The following GYS1 variants were observed in gnomAD, a reference collection of about 807,000 sequenced individuals.
GYS1 encodes glycogen synthase 1.
GYS1 carries 60 observed loss-of-function variants against 89.1 expected under a neutral mutation model. That is an observed-to-expected ratio of 0.67 (90% CI 0.55 to 0.84). GYS1 has a LOEUF of 0.84. GYS1 is among the 40% of genes least tolerant of loss of function. GYS1 has a pLI of 0.00. For synonymous variants in GYS1, 366 were observed against 401.7 expected (o/e 0.91, Z 1.06); for missense variants, 888 against 1,003.1 (o/e 0.89, Z 1.55).
chr19:48,975,226 C>T (rs1303989849), intron 10 of GYS1, among the ~76,000 whole-genome samples: 2 of 150,296 alleles, frequency 1.3e-5, no homozygotes, highest in African/African-American at 4.9e-5. Flanking sequence ...CCATTGCGCT[C>T]AGCCTAATTT....
At chr19:48,970,812 GC>G in intron 13 of GYS1, 103 bp from the exon 14 acceptor site, 12 of 1,409,258 alleles carry the variant, frequency 8.5e-6, no homozygotes, top group South Asian at 1.2e-5. Flanking sequence ...CGGCCCGAGA[GC>G]CCCCCCATTT....
intron 8 of GYS1, among the ~76,000 whole-genome samples, chr19:48,978,504 C>A (rs1297005854): frequency 6.7e-6 from 1 of 149,874 alleles, no homozygotes; most frequent in Non-Finnish European, 1.5e-5. Context: ...GGATTAGAGG[C>A]TTGAGCCACT....
intron 10 of GYS1, among the ~76,000 whole-genome samples, chr19:48,975,936 GA>G (rs1276971409): frequency 8.5e-6 from 1 of 118,256 alleles, no homozygotes; most frequent in African/African-American, 3.3e-5. Context: ...AAAAAAAAAA[GA>G]AGAAAAAAGA....
In GYS1 at chr19:48,970,683, G is replaced by A. The variant is rs370992600; in HGVS notation, c.1672C>T (p.Arg558Cys). The A allele has an allele frequency of 1.2e-6, 2 of 1,613,812 alleles. No homozygotes were observed. Among genetic ancestry groups the A allele is most frequent in the African/African-American group, 1.3e-5 (1 of 74,894 alleles). Residue 558 changes from arginine (R) to cysteine (C), a missense_variant, in exon 14 of 16, where the codon CGC becomes TGC. By Grantham distance (180) the Arg-to-Cys change is radical. Coordinates refer to ENST00000323798, the MANE Select transcript of GYS1 (RefSeq NM_002103.5). ...TGCGAGCAGGAATCATCCAGGCTGC[G>A]GAACCGCCGGTCAAGAATGTAGATA... The part of the protein sequence containing the change: ...YGIYILDRRF[R>C]SLDDSCSQLT...
intron 2 of GYS1, among the ~76,000 whole-genome samples, chr19:48,990,898 G>A (rs986110935): frequency 6.6e-6 from 1 of 152,172 alleles, no homozygotes; most frequent in South Asian, 2.1e-4. Flanking sequence ...GGGTTCAAGC[G>A]ATTCTCCTGC....
intron 3 of GYS1, among the ~76,000 whole-genome samples, chr19:48,986,992 T>A (rs1021317773): frequency 1.3e-5 from 2 of 152,200 alleles, no homozygotes; most frequent in Non-Finnish European, 2.9e-5. Flanking sequence ...TCCCTATGCT[T>A]GGAAGACTAG....
Position 48,969,015 on chromosome 19 carries a change from T to G in GYS1, c.*273A>C. On this transcript the variant is annotated 3_prime_UTR_variant, in exon 16 of 16. Transcript: ENST00000323798. Reference sequence around the variant, plus strand: ...GCACCACCGCAGAGTAATGGCAGATTCCTGGCCTCTGGGAAGCGGTCCAGG... The same window carrying G: ...GCACCACCGCAGAGTAATGGCAGATGCCTGGCCTCTGGGAAGCGGTCCAGG... 1.5e-6 allele frequency: 1 copy of G among 649,908 alleles called. No individual in the cohort carries two copies. The highest frequency in any genetic ancestry group is 2.8e-6 in the Non-Finnish European group (1 of 354,466). The allele number at this position is 649,908 out of a possible 1,614,324, so 40.3% of individuals were successfully genotyped here. A position where few individuals can be genotyped will look rare whatever the true frequency, so the allele number is the denominator to read the frequency against.
intron 8 of GYS1, among the ~76,000 whole-genome samples, chr19:48,979,710 G>A (rs547011333): frequency 1.1e-4 from 16 of 142,270 alleles, no homozygotes; most frequent in South Asian, 2.2e-4. Flanking sequence ...GCATTGGCGC[G>A]ATCTTGGCTC....
chr19:48,989,889 C>T (rs1462855240), intron 2 of GYS1, among the ~76,000 whole-genome samples: 1 of 152,038 alleles, frequency 6.6e-6, no homozygotes, highest in Non-Finnish European at 1.5e-5. Context: ...TCTGGGCCTG[C>T]TGCCACAGCA....
Position 48,978,085 on chromosome 19 carries a change from G to A in GYS1, c.1229+13C>T. 1.9e-6 allele frequency: 3 copies of A among 1,612,690 alleles called. No homozygotes were observed. The highest frequency in any genetic ancestry group is 2.7e-5 in the African/African-American group (2 of 75,004). Reference sequence around the variant, plus strand: ...GGCCTAGGAGGGCACAGGGCTGAGGGTGGGGCACTCACACCAGTAAGGATT... The same window carrying A: ...GGCCTAGGAGGGCACAGGGCTGAGGATGGGGCACTCACACCAGTAAGGATT... On this transcript the variant is annotated intron_variant, in intron 9 of 15. Coordinates refer to ENST00000323798, the MANE Select transcript of GYS1 (RefSeq NM_002103.5).
chr19:48,970,892 C>T (rs768545442), intron 13 of GYS1, 36 bp downstream of exon 13: 2 of 1,525,814 alleles, frequency 1.3e-6, no homozygotes, highest in Non-Finnish European at 1.8e-6. Flanking sequence ...TGTTCTCAAG[C>T]CCCCTTCCAG....
At chr19:48,983,590 C>T (rs115564504) in intron 5 of GYS1, among the ~76,000 whole-genome samples, 1,691 of 152,238 alleles carry the variant, frequency 0.011, 28 homozygotes, top group African/African-American at 0.038. Flanking sequence ...AGTATATCAA[C>T]GAAAAACTAC....
At chr19:48,969,901 C>T (rs1568615615) in intron 14 of GYS1, 46 bp from the exon 15 acceptor site, 2 of 1,377,076 alleles carry the variant, frequency 1.5e-6, no homozygotes, top group Non-Finnish European at 1.0e-6. Flanking sequence ...GAGCCAGGCC[C>T]CACCCCCAGG....
intron 2 of GYS1, among the ~76,000 whole-genome samples, chr19:48,988,051 C>A (rs2038869203): frequency 2.0e-5 from 3 of 152,336 alleles, no homozygotes; most frequent in Non-Finnish European, 4.4e-5. Context: ...ATCCGCCCGC[C>A]TCGGCGTCCC....
At chr19:48,989,418 G>T (rs934529723) in intron 2 of GYS1, among the ~76,000 whole-genome samples, 2 of 149,388 alleles carry the variant, frequency 1.3e-5, no homozygotes, top group Non-Finnish European at 3.0e-5. Flanking sequence ...GGAGGCGGAG[G>T]TTGCAGTGAG....
At chr19:48,974,099 T>C in intron 12 of GYS1, 114 bp downstream of exon 12, 1 of 1,098,224 alleles carries the variant, frequency 9.1e-7, no homozygotes, top group South Asian at 1.3e-5. Context: ...ATTACCATTG[T>C]TCCTGTTTTG....
chr19:48,977,955 G>A lies in GYS1; in HGVS notation c.1277C>T (p.Thr426Ile). ...TGCAAAGATGGCTCTCTTCATCATAGTGAAGTCTTCCTTATCCAGCATCTT... is the reference window on the plus strand; with the variant it reads ...TGCAAAGATGGCTCTCTTCATCATAATGAAGTCTTCCTTATCCAGCATCTT... ...MNKMLDKEDFTMMKRAIFATQ... is the reference protein window; with the variant it reads ...MNKMLDKEDFIMMKRAIFATQ... Residue 426 changes from threonine to isoleucine, a missense_variant, in exon 10 of 16, where the codon ACT becomes ATT. Physicochemically the swap from Thr to Ile is moderately conservative, Grantham distance 89 (BLOSUM62 -1). Coordinates refer to ENST00000323798, the MANE Select transcript of GYS1 (RefSeq NM_002103.5). 2 of 1,613,894 alleles carry A rather than the reference G, an allele frequency of 1.2e-6. No homozygotes were observed. Among genetic ancestry groups the A allele is most frequent in the Non-Finnish European group, 1.7e-6 (2 of 1,179,854 alleles).
At chr19:48,969,691 C>T (rs2038524208) in intron 15 of GYS1, 80 bp from the exon 16 acceptor site, 1 of 1,572,030 alleles carries the variant, frequency 6.4e-7, no homozygotes, top group Admixed American at 1.7e-5. Context: ...CACCTCTAGG[C>T]CTTCCCACTC....
intron 14 of GYS1, 71 bp downstream of exon 14, chr19:48,970,475 A>G: frequency 7.7e-7 from 1 of 1,290,686 alleles, no homozygotes; most frequent in Non-Finnish European, 1.1e-6. Context: ...GAGACCCTGC[A>G]CCCTGCACCA....
Sources: allele counts gnomAD v4.1 joint callset (sites outside exome capture counted in the v4.1 genomes callset), GRCh38; gene constraint gnomAD v4.1.1; transcripts MANE v1.5; gene names NCBI Gene and HGNC (gene_info 2026-07-23, HGNC 2026-07-21).